CDH13: variants seen among roughly 807,000 people sequenced by gnomAD.
CDH13 encodes the protein cadherin 13, also known as cadherin-13.
Under a neutral mutation model 63.8 loss-of-function variants are expected in CDH13, and 24 were observed. That is an observed-to-expected ratio of 0.38 (90% confidence interval 0.27 to 0.53). The LOEUF (loss-of-function observed/expected upper bound fraction) is 0.53, where lower values mean the gene tolerates loss of function less well. Ranked by LOEUF, CDH13 falls within the 20% of genes least tolerant of loss-of-function variation. CDH13 has a pLI of 0.85. For synonymous variants in CDH13, 503 were observed against 355.3 expected (o/e 1.42, Z -4.67); for missense variants, 1,049 against 903.1 (o/e 1.16, Z -2.07).
chr16:82,901,758 C>T (rs894998809), intron 2 of CDH13, among the ~76,000 whole-genome samples: 19 of 152,266 alleles, frequency 1.2e-4, no homozygotes, highest in African/African-American at 4.3e-4. Context: ...ATATACCAGG[C>T]CCTGTGCCAA....
chr16:83,160,024 C>T (rs565991880), intron 4 of CDH13, among the ~76,000 whole-genome samples: 13 of 151,864 alleles, frequency 8.6e-5, no homozygotes, highest in African/African-American at 3.1e-4. Context: ...TGCAGTGAGC[C>T]GATATCACAC....
chr16:82,895,798 A>G (rs1284005736), intron 2 of CDH13, among the ~76,000 whole-genome samples: 1 of 151,946 alleles, frequency 6.6e-6, no homozygotes, highest in East Asian at 1.9e-4. Context: ...GGCACTCAGG[A>G]GCTTGAACAC....
chr16:83,000,220 C>CTTA (rs1567731443), intron 2 of CDH13, among the ~76,000 whole-genome samples: 3 of 33,948 alleles, frequency 8.8e-5, no homozygotes, highest in African/African-American at 3.1e-4. Flanking sequence ...ACAGGTTTAG[C>CTTA]TTATTTTTTT....
chr16:83,767,228 G>A (rs935832198), intron 11 of CDH13, among the ~76,000 whole-genome samples: 1 of 152,024 alleles, frequency 6.6e-6, no homozygotes, highest in Non-Finnish European at 1.5e-5. Context: ...CAGCTGATGA[G>A]GTTTGGCTGT....
At chr16:83,043,686 A>G (rs781333744) in intron 3 of CDH13, among the ~76,000 whole-genome samples, 3 of 152,040 alleles carry the variant, frequency 2.0e-5, no homozygotes, top group Non-Finnish European at 2.9e-5. Context: ...TGGTGAAACC[A>G]CATCTCTACT....
intron 10 of CDH13, among the ~76,000 whole-genome samples, chr16:83,702,472 G>C (rs942864173): frequency 6.6e-6 from 1 of 152,178 alleles, no homozygotes; most frequent in Non-Finnish European, 1.5e-5. Context: ...AAGGGAAAGA[G>C]AGAGCAAGGA....
At chr16:83,599,777 A>G (rs964495582) in intron 7 of CDH13, among the ~76,000 whole-genome samples, 1 of 152,238 alleles carries the variant, frequency 6.6e-6, no homozygotes, top group African/African-American at 2.4e-5. Context: ...GGGAGAATCC[A>G]CATAATTTTT....
chr16:83,727,623 T>C (rs73236439), intron 10 of CDH13, among the ~76,000 whole-genome samples: 4,165 of 152,058 alleles, frequency 0.027, 186 homozygotes, highest in African/African-American at 0.095. Context: ...CATTGGAGAT[T>C]TTATAAGCCG....
At chr16:83,339,934 C>CTCAA (rs2090684902) in intron 5 of CDH13, among the ~76,000 whole-genome samples, 1 of 152,188 alleles carries the variant, frequency 6.6e-6, no homozygotes, top group Non-Finnish European at 1.5e-5. Flanking sequence ...TTACTCCTCC[C>CTCAA]TGGGATATTT....
intron 8 of CDH13, among the ~76,000 whole-genome samples, chr16:83,608,758 T>C (rs1908591536): frequency 6.7e-6 from 1 of 149,752 alleles, no homozygotes; most frequent in Admixed American, 6.7e-5. Context: ...TCCACCCACC[T>C]AAGCTTCCCA....
chr16:83,426,779 T>G (rs1409928227), intron 6 of CDH13, among the ~76,000 whole-genome samples: 1 of 152,012 alleles, frequency 6.6e-6, no homozygotes, highest in African/African-American at 2.4e-5. Context: ...CCTACCAAAC[T>G]TAAACTTCTT....
At chr16:83,667,425 C>T (rs1462255935) in intron 8 of CDH13, among the ~76,000 whole-genome samples, 1 of 151,794 alleles carries the variant, frequency 6.6e-6, no homozygotes, top group Non-Finnish European at 1.5e-5. Context: ...CCCATCCATC[C>T]ATCCACCACC....
chr16:83,752,374 G>A (rs1021510070), intron 11 of CDH13, among the ~76,000 whole-genome samples: 2 of 152,156 alleles, frequency 1.3e-5, no homozygotes, highest in South Asian at 2.1e-4. Context: ...CGAATATTAA[G>A]AAGAACAAAA....
intron 7 of CDH13, among the ~76,000 whole-genome samples, chr16:83,523,019 C>A (rs1331830928): frequency 6.6e-6 from 1 of 152,182 alleles, no homozygotes; most frequent in African/African-American, 2.4e-5. Context: ...TTATACTCAC[C>A]CTTCAGTTCT....
At chr16:82,988,641 A>G (rs549141256) in intron 2 of CDH13, among the ~76,000 whole-genome samples, 10 of 152,078 alleles carry the variant, frequency 6.6e-5, no homozygotes, top group African/African-American at 2.4e-4. Context: ...GGTGCCTGTA[A>G]TCCCAGCTAC....
chr16:82,777,648 G>A (rs2035558981), intron 1 of CDH13, among the ~76,000 whole-genome samples: 2 of 152,164 alleles, frequency 1.3e-5, no homozygotes, highest in Non-Finnish European at 2.9e-5. Context: ...TTTCTGTGCA[G>A]CAAGAATATG....
intron 10 of CDH13, among the ~76,000 whole-genome samples, chr16:83,703,282 C>G (rs1371828519): frequency 6.6e-6 from 1 of 152,130 alleles, no homozygotes; most frequent in African/African-American, 2.4e-5. Context: ...TCGAAATAAT[C>G]AGAAATGGTG....
intron 7 of CDH13, among the ~76,000 whole-genome samples, chr16:83,495,576 GT>G (rs879703468): frequency 2.0e-5 from 3 of 152,146 alleles, no homozygotes; most frequent in East Asian, 1.9e-4. Context: ...ACAAAATATA[GT>G]TTTTTTCCCC....
At chr16:82,974,204 G>A (rs1225389541) in intron 2 of CDH13, among the ~76,000 whole-genome samples, 7 of 152,184 alleles carry the variant, frequency 4.6e-5, no homozygotes, top group Admixed American at 2.6e-4. Context: ...CTCACAAAGT[G>A]CTAGGATTAC....
Sources: allele counts gnomAD v4.1 joint callset (sites outside exome capture counted in the v4.1 genomes callset), GRCh38; gene constraint gnomAD v4.1.1; transcripts MANE v1.5; gene names NCBI Gene and HGNC (gene_info 2026-07-23, HGNC 2026-07-21).